Variants in COL21A1 observed in about 807,000 individuals in gnomAD.
COL21A1 encodes the protein collagen type XXI alpha 1 chain, also known as collagen alpha-1(XXI) chain.
In COL21A1, 149 loss-of-function variants were observed where a neutral mutation model predicts 137.9. That is an observed-to-expected ratio of 1.08 (90% confidence interval 0.95 to 1.24). COL21A1 has a LOEUF of 1.24. COL21A1 is among the 50% of genes most tolerant of loss of function. The probability of loss-of-function intolerance (pLI) is 0.00; values close to 1 mark genes in which losing one functional copy is unlikely to be tolerated. For missense variants in COL21A1, 1,167 were observed against 1,158.4 expected, an observed-to-expected ratio of 1.01 and a Z score of -0.11; for synonymous variants, 456 against 391.5, an observed-to-expected ratio of 1.16 and a Z score of -1.95.
chr6:56,185,468 G>T (rs796868832), intron 1 of COL21A1, among the ~76,000 whole-genome samples: 1 of 116,514 alleles, frequency 8.6e-6, no homozygotes, highest in Non-Finnish European at 1.6e-5. Flanking sequence ...TCGCTCTGTC[G>T]CCCAGGCCGG....
chr6:56,368,344 A>G (rs923827572), intron 1 of COL21A1, among the ~76,000 whole-genome samples: 1 of 152,242 alleles, frequency 6.6e-6, no homozygotes, highest in Non-Finnish European at 1.5e-5. Flanking sequence ...GCACCTATAC[A>G]CATCAAAAGT....
chr6:56,186,736 T>C (rs185587824), intron 1 of COL21A1, among the ~76,000 whole-genome samples: 117 of 152,238 alleles, frequency 7.7e-4, no homozygotes, highest in African/African-American at 2.6e-3. Context: ...GAAATGAAGC[T>C]AATGAAATAT....
intron 1 of COL21A1, among the ~76,000 whole-genome samples, chr6:56,302,906 A>G (rs1240801617): frequency 2.0e-5 from 3 of 152,182 alleles, no homozygotes; most frequent in African/African-American, 7.2e-5. Context: ...TAATTTTTGC[A>G]TAAGGTGTAA....
intron 1 of COL21A1, among the ~76,000 whole-genome samples, chr6:56,254,257 G>A (rs766643808): frequency 3.9e-5 from 6 of 152,190 alleles, no homozygotes; most frequent in Non-Finnish European, 7.3e-5. Context: ...GAAACTCTTC[G>A]AGAGATGCTT....
At chr6:56,067,007 TA>T (rs1766318504) in intron 23 of COL21A1, among the ~76,000 whole-genome samples, 1 of 148,250 alleles carries the variant, frequency 6.7e-6, no homozygotes, top group African/African-American at 2.4e-5. Context: ...ATGTGGTATA[TA>T]TATATATGTA....
chr6:56,178,896 T>G (rs12190240), intron 3 of COL21A1, among the ~76,000 whole-genome samples: 10,935 of 152,188 alleles, frequency 0.072, 440 homozygotes, highest in Middle Eastern at 0.13. Flanking sequence ...ATGTCAGTAA[T>G]TTGAAGCTTT....
At position 56,336,801 on chromosome 6, in the gene COL21A1, C is replaced by G. The variant is rs919013200; in HGVS notation, c.-39+57170G>C. On this transcript the variant is annotated intron_variant, in intron 1 of 28. Coordinates refer to the COL21A1 transcript ENST00000370819. ...CTCTGTGATTTAGGTTGTGTCTGCT[C>G]AACCAAAATTTTGGTCAGTGCAGTG... 5.3e-5 allele frequency among the ~76,000 whole-genome samples: 8 copies of G among 152,308 alleles called. No homozygotes were observed. The South Asian group carries it at 6.2e-4, about 12-fold the overall frequency.
chr6:56,076,821 A>G (rs1767284703), intron 18 of COL21A1, among the ~76,000 whole-genome samples: 1 of 151,494 alleles, frequency 6.6e-6, no homozygotes, highest in South Asian at 2.1e-4. Flanking sequence ...TCATATGGAG[A>G]TAATGGTGAT....
intron 1 of COL21A1, among the ~76,000 whole-genome samples, chr6:56,267,786 AAGAAGAG>A (rs1486481272): frequency 3.1e-4 from 42 of 135,442 alleles, no homozygotes; most frequent in African/African-American, 8.0e-4. Flanking sequence ...GAAGAAGAAG[AAGAAGAG>A]AGCCTCCTAT....
chr6:56,387,466 G>A (rs544691339), intron 1 of COL21A1, among the ~76,000 whole-genome samples: 12 of 152,122 alleles, frequency 7.9e-5, no homozygotes, highest in Non-Finnish European at 1.3e-4. Flanking sequence ...AAAAAAATCA[G>A]GTAAGCAATC....
In COL21A1 at chr6:56,306,318, C is replaced by T. The variant is rs937845768; in HGVS notation, c.-39+87653G>A. Among the ~76,000 whole-genome samples, 3 of 150,758 alleles carry T rather than the reference C, an allele frequency of 2.0e-5. No individual in the cohort carries two copies. In the Admixed American group the frequency reaches 2.0e-4, roughly 10 times the overall value. On this transcript the variant is annotated intron_variant, in intron 1 of 28. Transcript: ENST00000370819. ...GGAAGTTCTCCTGGATAATATCCTG[C>T]AGAGTGTTTTCCAATTTGGTTCCAT... is the stretch of plus-strand genomic sequence containing the variant.
intron 10 of COL21A1, among the ~76,000 whole-genome samples, chr6:56,153,186 T>C (rs1454000186): frequency 6.6e-6 from 1 of 152,176 alleles, no homozygotes. Flanking sequence ...AGTCTATTCC[T>C]TCAATTCAAT....
intron 1 of COL21A1, among the ~76,000 whole-genome samples, chr6:56,221,677 C>T (rs1008777098): frequency 6.6e-6 from 1 of 151,852 alleles, no homozygotes; most frequent in Non-Finnish European, 1.5e-5. Context: ...TGAGCCATGA[C>T]CACACCACTG....
rs11412656 is a variant in COL21A1, at chr6:56,159,334, AT to A, written c.1372-2386del. 5.8e-3 allele frequency among the ~76,000 whole-genome samples: 795 copies of A among 137,108 alleles called. 2 individuals are homozygous for A. The highest frequency in any genetic ancestry group is 7.1e-3 in the Non-Finnish European group (459 of 64,688). 89.9% of individuals were successfully genotyped at this position (137,108 alleles called of 152,430 possible). A position where few individuals can be genotyped will look rare whatever the true frequency, so the allele number is the denominator to read the frequency against. On this transcript the variant is annotated intron_variant, in intron 9 of 29. Transcript: ENST00000244728. ...GAGACTGTAGCAAAGTCTGAATTAC[AT>A]TTTTTTTTTTTTTTTGAGACGGAGT...
At chr6:56,392,269 C>CA (rs917584657) in intron 1 of COL21A1, among the ~76,000 whole-genome samples, 8 of 151,668 alleles carry the variant, frequency 5.3e-5, no homozygotes, top group African/African-American at 9.7e-5. Flanking sequence ...CAATTGATGA[C>CA]AAAAAAAATT....
At chr6:56,126,259 C>A in intron 12 of COL21A1, 110 bp from the exon 13 acceptor site, 1 of 672,506 alleles carries the variant, frequency 1.5e-6, no homozygotes, top group Non-Finnish European at 2.6e-6. Flanking sequence ...AATCTATCTG[C>A]AAACAGTTAA....
chr6:56,059,436 C>T (rs1161293094), intron 28 of COL21A1, among the ~76,000 whole-genome samples, 194 bp from the exon 29 acceptor site: 1 of 152,080 alleles, frequency 6.6e-6, no homozygotes, highest in Non-Finnish European at 1.5e-5. Context: ...AGATCCAAGA[C>T]TTAATGGGAA....
intron 12 of COL21A1, among the ~76,000 whole-genome samples, chr6:56,127,492 T>C (rs1773141510): frequency 6.6e-6 from 1 of 152,216 alleles, no homozygotes; most frequent in Non-Finnish European, 1.5e-5. Context: ...ATGTTCTTTA[T>C]TTCTGAGTTC....
At chr6:56,105,427 A>G (rs982456721) in intron 16 of COL21A1, among the ~76,000 whole-genome samples, 3 of 152,216 alleles carry the variant, frequency 2.0e-5, no homozygotes, top group African/African-American at 7.2e-5. Context: ...TTCAAATAAT[A>G]TATGTTATTT....
Sources: allele counts gnomAD v4.1 joint callset (sites outside exome capture counted in the v4.1 genomes callset), GRCh38; gene constraint gnomAD v4.1.1; transcripts MANE v1.5; gene names NCBI Gene and HGNC (gene_info 2026-07-23, HGNC 2026-07-21).